SMAD9: variants seen among roughly 807,000 people sequenced by gnomAD.
SMAD9 encodes the protein SMAD family member 9, also known as MAD homolog 9.
A neutral mutation model predicts 46.1 loss-of-function variants in SMAD9; 36 were observed. The observed-to-expected ratio is 0.78, with a 90% CI of 0.60 to 1.03. The LOEUF (loss-of-function observed/expected upper bound fraction) is 1.03. SMAD9 is among the 50% of genes least tolerant of loss of function. The pLI is 0.00. For synonymous variants in SMAD9, 245 were observed against 237.1 expected, an observed-to-expected ratio of 1.03 and a Z score of -0.31; for missense variants, 572 against 599.8, an observed-to-expected ratio of 0.95 and a Z score of 0.48.
At chr13:36,856,388 T>G (rs2058125114) in intron 5 of SMAD9, among the ~76,000 whole-genome samples, 1 of 152,224 alleles carries the variant, frequency 6.6e-6, no homozygotes, top group Non-Finnish European at 1.5e-5. Context: ...TCAATCCTGT[T>G]CAGGTCATCT....
chr13:36,874,124 T>C (rs1242647793), intron 2 of SMAD9, among the ~76,000 whole-genome samples: 1 of 151,978 alleles, frequency 6.6e-6, no homozygotes, highest in African/African-American at 2.4e-5. Context: ...CAACATAAGT[T>C]CCAGACAGGG....
In SMAD9 at chr13:36,848,183, A is replaced by C. The variant is rs2058048432; in HGVS notation, c.*493T>G. On this transcript the variant is annotated 3_prime_UTR_variant, in exon 7 of 7. Coordinates refer to ENST00000379826, the MANE Select transcript of SMAD9 (RefSeq NM_001127217.3). ...GCCTATCTCATTAATTCATTGTACAAGTTTGTTGTTTTTTTTTTCTTGCCA... is the reference window on the plus strand; with the variant it reads ...GCCTATCTCATTAATTCATTGTACACGTTTGTTGTTTTTTTTTTCTTGCCA... 1 of 161,704 alleles carries C rather than the reference A, an allele frequency of 6.2e-6. No homozygotes were observed. The highest frequency in any genetic ancestry group is 2.4e-5 in the African/African-American group (1 of 41,480). 10.0% of individuals were successfully genotyped at this position (161,704 alleles called of 1,614,324 possible). A position where few individuals can be genotyped will look rare whatever the true frequency, so the allele number is the denominator to read the frequency against.
rs3748305 is a variant in SMAD9 at position 36,865,827 on chromosome 13, C to A, written c.782-69G>T. 0.67 allele frequency: 868,196 copies of A among 1,287,604 alleles called. 296,373 individuals carry two copies. Among genetic ancestry groups the A allele is most frequent in the Admixed American group, 0.73 (38,552 of 52,644 alleles). 79.8% of individuals were successfully genotyped at this position (1,287,604 alleles called of 1,614,324 possible). A position where few individuals can be genotyped will look rare whatever the true frequency, so the allele number is the denominator to read the frequency against. On this transcript the variant is annotated intron_variant, in intron 4 of 6. Coordinates refer to ENST00000379826, the MANE Select transcript of SMAD9 (RefSeq NM_001127217.3). ...TGGGCTGTGTAGTTCATGATTCCAC[C>A]AGGAAACTTAGTTAATGCTTTTCAC...
chr13:36,850,670 C>T (rs7995500), intron 6 of SMAD9, among the ~76,000 whole-genome samples: 3 of 152,218 alleles, frequency 2.0e-5, no homozygotes, highest in Non-Finnish European at 2.9e-5. Flanking sequence ...TGAGCCACCA[C>T]GCCCGGCTCT....
intron 2 of SMAD9, among the ~76,000 whole-genome samples, chr13:36,873,172 T>C (rs545724864): frequency 4.2e-4 from 64 of 152,264 alleles, no homozygotes; most frequent in African/African-American, 1.5e-3. Context: ...AATGTCATAA[T>C]TCACAAAAGC....
At chr13:36,886,081 A>G (rs1233683919) in intron 1 of SMAD9, among the ~76,000 whole-genome samples, 1 of 152,172 alleles carries the variant, frequency 6.6e-6, no homozygotes, top group African/African-American at 2.4e-5. Flanking sequence ...CCTTAAGTAC[A>G]TTTACTCACC....
chr13:36,907,336 C>T (rs907940289), intron 1 of SMAD9, among the ~76,000 whole-genome samples: 3 of 152,046 alleles, frequency 2.0e-5, no homozygotes, highest in African/African-American at 7.2e-5. Flanking sequence ...TACATAAAAC[C>T]GGAATGTGCT....
At chr13:36,920,851 CTG>C (rs1336452274), upstream of SMAD9, 1 of 152,250 alleles carries the variant, frequency 6.6e-6, no homozygotes, top group African/African-American at 2.4e-5. Context: ...GACAGAGCAA[CTG>C]GGCCGCAATG....
intron 1 of SMAD9, among the ~76,000 whole-genome samples, chr13:36,917,813 G>T (rs1398087168): frequency 6.6e-6 from 1 of 152,170 alleles, no homozygotes; most frequent in Non-Finnish European, 1.5e-5. Context: ...TAATCCTACG[G>T]TGCTCACTTA....
Position 36,853,453 on chromosome 13 carries a change from G to C in SMAD9, c.1226C>G (p.Thr409Ser). 1.2e-6 allele frequency: 2 copies of C among 1,614,010 alleles called. No homozygotes were observed. The highest frequency in any genetic ancestry group is 2.2e-5 in the South Asian group (2 of 91,074). Reference sequence around the variant, plus strand: ...ACTCATCCGGATAGTACACATCTTGGTCAGTTCATACACGACTTCAAAGCC... The same window carrying C: ...ACTCATCCGGATAGTACACATCTTGCTCAGTTCATACACGACTTCAAAGCC... ...HHGFEVVYEL[T>S]KMCTIRMSFV... is the part of the protein sequence containing the mutation. Residue 409 changes from threonine to serine, a missense_variant, in exon 6 of 7, where the codon ACC becomes AGC. Thr to Ser is a moderately conservative substitution (Grantham distance 58). Transcript: ENST00000379826.
At chr13:36,887,461 G>A (rs758994418) in intron 1 of SMAD9, among the ~76,000 whole-genome samples, 1 of 151,904 alleles carries the variant, frequency 6.6e-6, no homozygotes, top group Non-Finnish European at 1.5e-5. Context: ...GACCTCAGGT[G>A]GTCCGCTCGC....
chr13:36,878,103 A>G (rs1359316764), intron 2 of SMAD9, among the ~76,000 whole-genome samples: 1 of 152,162 alleles, frequency 6.6e-6, no homozygotes, highest in Non-Finnish European at 1.5e-5. Flanking sequence ...AGGAACAAAG[A>G]CAAACACCAG....
chr13:36,895,425 G>A lies in SMAD9; in HGVS notation c.-186-15550C>T, dbSNP rs374106822. On this transcript the variant is annotated intron_variant, in intron 1 of 6. Transcript: ENST00000379826. ...TTTGTGTGGAGGGGCTGTCCTGTGCGTTACAGGGTGTTTAGCAGCATCCTT... is the reference window on the plus strand; with the variant it reads ...TTTGTGTGGAGGGGCTGTCCTGTGCATTACAGGGTGTTTAGCAGCATCCTT... Among the ~76,000 whole-genome samples, 11 of 152,284 alleles carry A rather than the reference G, an allele frequency of 7.2e-5. No individual in the cohort carries two copies. The South Asian group carries it at 8.3e-4, about 11-fold the overall frequency.
At chr13:36,903,555 CA>C (rs2058595427) in intron 1 of SMAD9, among the ~76,000 whole-genome samples, 1 of 151,662 alleles carries the variant, frequency 6.6e-6, no homozygotes, top group Admixed American at 6.6e-5. Flanking sequence ...ACATTTTTTT[CA>C]AAAATAAAAC....
chr13:36,919,643 C>A, intron 1 of SMAD9, among the ~76,000 whole-genome samples: 1 of 151,298 alleles, frequency 6.6e-6, no homozygotes, highest in South Asian at 2.1e-4. Flanking sequence ...ACCCCTCAGG[C>A]GCCTATCCTG....
At chr13:36,916,514 A>G (rs2058699565) in intron 1 of SMAD9, among the ~76,000 whole-genome samples, 2 of 152,016 alleles carry the variant, frequency 1.3e-5, no homozygotes, top group East Asian at 1.9e-4. Context: ...TATGGGTGAA[A>G]TGCTTTTACA....
intron 3 of SMAD9, 132 bp downstream of exon 3, chr13:36,872,526 G>A (rs544241381): frequency 9.4e-7 from 1 of 1,066,904 alleles, no homozygotes; most frequent in East Asian, 2.4e-5. Context: ...TCATTTTAAG[G>A]CTGATTGCTT....
chr13:36,893,915 G>A (rs1031964998), intron 1 of SMAD9, among the ~76,000 whole-genome samples: 26 of 152,062 alleles, frequency 1.7e-4, no homozygotes, highest in Admixed American at 3.3e-4. Flanking sequence ...ATTTTTATAA[G>A]TGTGCTACAT....
At chr13:36,883,740 G>A (rs1250185904) in intron 1 of SMAD9, among the ~76,000 whole-genome samples, 1 of 152,168 alleles carries the variant, frequency 6.6e-6, no homozygotes, top group African/African-American at 2.4e-5. Context: ...AACAGAGAGA[G>A]ACCCTGTCTC....
Sources: allele counts gnomAD v4.1 joint callset (sites outside exome capture counted in the v4.1 genomes callset), GRCh38; gene constraint gnomAD v4.1.1; transcripts MANE v1.5; gene names NCBI Gene and HGNC (gene_info 2026-07-23, HGNC 2026-07-21).